Variants in GRPEL1 observed in about 807,000 individuals in gnomAD.
GRPEL1 encodes grpE protein homolog 1, mitochondrial.
In GRPEL1, 13 loss-of-function variants were observed where a neutral mutation model predicts 22.1. The observed-to-expected ratio is 0.59, with a 90% CI of 0.38 to 0.94. The LOEUF (loss-of-function observed/expected upper bound fraction) is 0.94, where lower values mean the gene tolerates loss of function less well. Ranked by LOEUF, GRPEL1 falls within the 40% of genes least tolerant of loss-of-function variation. The pLI, the probability that GRPEL1 is intolerant of heterozygous loss-of-function variation, is 0.00. For synonymous variants in GRPEL1, 109 were observed against 105.3 expected, an observed-to-expected ratio of 1.03 and a Z score of -0.21; for missense variants, 289 against 264.6, an observed-to-expected ratio of 1.09 and a Z score of -0.64.
At chr4:7,063,693 T>C (rs559504281) in intron 2 of GRPEL1, among the ~76,000 whole-genome samples, 1 of 152,366 alleles carries the variant, frequency 6.6e-6, no homozygotes, top group South Asian at 2.1e-4. Flanking sequence ...TACCTGCCTA[T>C]GAGAGCATCA....
intron 2 of GRPEL1, among the ~76,000 whole-genome samples, chr4:7,063,389 T>C (rs1724090887): frequency 6.6e-6 from 1 of 152,278 alleles, no homozygotes. Context: ...CCCAGCTAGC[T>C]TTTCTCTTTT....
At chr4:7,065,905 G>A (rs978285974) in intron 1 of GRPEL1, among the ~76,000 whole-genome samples, 2 of 149,700 alleles carry the variant, frequency 1.3e-5, no homozygotes, top group African/African-American at 4.9e-5. Context: ...CCAGGCTGGA[G>A]TGCAGTGGTG....
At chr4:7,062,321 G>T in intron 3 of GRPEL1, 64 bp downstream of exon 3, 1 of 819,478 alleles carries the variant, frequency 1.2e-6, no homozygotes, top group Non-Finnish European at 2.0e-6. Context: ...CGTATGCATG[G>T]CCTTCCCCTT....
intron 2 of GRPEL1, among the ~76,000 whole-genome samples, chr4:7,062,812 G>A (rs1049563807): frequency 1.3e-5 from 2 of 151,978 alleles, no homozygotes; most frequent in African/African-American, 2.4e-5. Flanking sequence ...ATGCCTGGCC[G>A]GGAGATTTAT....
rs1159797621 is a variant in GRPEL1, at chr4:7,060,003, G to C, written c.*859C>G. The C allele has an allele frequency of 6.6e-6, 1 of 152,216 alleles. No homozygotes were observed. The highest frequency in any genetic ancestry group is 1.9e-4 in the East Asian group (1 of 5,200). The allele number at this position is 152,216 out of a possible 1,614,324, so 9.4% of individuals were successfully genotyped here. ...AGAATGGGAAGGCTAAGCCATGCTT[G>C]CCTCAGCGGCAAGGATCTCCATGAG... On this transcript the variant is annotated 3_prime_UTR_variant, in exon 4 of 4. Transcript: ENST00000264954.
At chr4:7,064,827 C>T (rs919432787) in intron 1 of GRPEL1, among the ~76,000 whole-genome samples, 3 of 152,278 alleles carry the variant, frequency 2.0e-5, no homozygotes, top group Non-Finnish European at 2.9e-5. Flanking sequence ...GACAGGGTTT[C>T]GCTGTCACCC....
rs908298253 is a variant in GRPEL1 at position 7,062,366 on chromosome 4, C to G, written c.307+19G>C. ...ATTATCTTCTTTCCGGAATCAACAC[C>G]ATGTTATGTTGAAAGTACCGTATAA... On this transcript the variant is annotated intron_variant, in intron 3 of 3. Transcript: ENST00000264954. 1 of 1,366,792 alleles carries G rather than the reference C, an allele frequency of 7.3e-7. No homozygotes were observed. The highest frequency in any genetic ancestry group is 1.8e-4 in the Middle Eastern group (1 of 5,520). The allele number at this position is 1,366,792 out of a possible 1,614,324, so 84.7% of individuals were successfully genotyped here.
In GRPEL1 at chr4:7,067,962, G is replaced by A; in HGVS notation, c.62+9C>T. ...CCACCTCCACCCAGGGAGACCAAGT[G>A]CCCCTTACCTGAGAGACAACGCCAA... On this transcript the variant is annotated intron_variant, in intron 1 of 3. Coordinates refer to ENST00000264954, the MANE Select transcript of GRPEL1 (RefSeq NM_025196.4). The A allele has an allele frequency of 6.2e-7, 1 of 1,613,258 alleles. No individual in the cohort carries two copies. The highest frequency in any genetic ancestry group is 8.5e-7 in the Non-Finnish European group (1 of 1,179,818).
chr4:7,062,298 T>G, intron 3 of GRPEL1, 87 bp downstream of exon 3: 1 of 448,908 alleles, frequency 2.2e-6, no homozygotes, highest in Non-Finnish European at 4.3e-6. Context: ...ACAGCCTTGC[T>G]CTCTGACACT....
chr4:7,064,195 T>C lies in GRPEL1; in HGVS notation c.91A>G (p.Thr31Ala), dbSNP rs1233822160. The C allele has an allele frequency of 1.2e-6, 2 of 1,614,082 alleles. No individual in the cohort carries two copies. The highest frequency in any genetic ancestry group is 2.2e-5 in the South Asian group (2 of 91,066). Reference sequence around the variant, plus strand: ...TTCTGGCCACTGTTCTTTTGTTTCGTGGCTGTGCACAACAACCGGGGAGAT... The same window carrying C: ...TTCTGGCCACTGTTCTTTTGTTTCGCGGCTGTGCACAACAACCGGGGAGAT... ...RPSPRLLCTA[T>A]KQKNSGQNLE... Residue 31 changes from threonine (T) to alanine (A), a missense_variant, in exon 2 of 4, where the codon ACG becomes GCG. Thr to Ala is a moderately conservative substitution (Grantham distance 58). Transcript: ENST00000264954.
Position 7,062,512 on chromosome 4 carries a change from A to T in GRPEL1, c.226-46T>A, listed in dbSNP as rs536724132. ...TATTTATATATATATATATATATAT[A>T]TATCTTTTTTTTTGAGACGGAATCT... On this transcript the variant is annotated intron_variant, in intron 2 of 3. Coordinates refer to ENST00000264954, the MANE Select transcript of GRPEL1 (RefSeq NM_025196.4). 4.5e-4 allele frequency: 130 copies of T among 286,742 alleles called. 3 individuals are homozygous for T. The highest frequency in any genetic ancestry group is 3.1e-3 in the Middle Eastern group (4 of 1,270). 17.8% of individuals were successfully genotyped at this position (286,742 alleles called of 1,614,324 possible).
chr4:7,061,739 A>G (rs1289879472), intron 3 of GRPEL1: 1 of 155,526 alleles, frequency 6.4e-6, no homozygotes, highest in Admixed American at 6.3e-5. Context: ...TCCAGGAAAA[A>G]AAGTGTTTCA....
At position 7,060,850 on chromosome 4, in the gene GRPEL1, C is replaced by T. The variant is rs758413486; in HGVS notation, c.*12G>A. The T allele has an allele frequency of 3.1e-6, 5 of 1,597,826 alleles. No individual in the cohort carries two copies. Among genetic ancestry groups the T allele is most frequent in the South Asian group, 1.1e-5 (1 of 89,006 alleles). On this transcript the variant is annotated 3_prime_UTR_variant, in exon 4 of 4. Transcript: ENST00000264954. ...CAAGTGAGTTTAAAAACACCCACCC[C>T]ATCAACAGCAGCTAAGCTTCCTTCA...
chr4:7,067,873 G>A (rs2108794314), intron 1 of GRPEL1, 98 bp downstream of exon 1: 3 of 1,300,760 alleles, frequency 2.3e-6, no homozygotes, highest in Admixed American at 2.0e-5. Flanking sequence ...CAGCTCCGGG[G>A]CCGAGGCCGG....
chr4:7,067,713 AAACG>A (rs1724208306), intron 1 of GRPEL1, among the ~76,000 whole-genome samples: 2 of 152,234 alleles, frequency 1.3e-5, no homozygotes, highest in Admixed American at 1.3e-4. Flanking sequence ...CTTCCGAGCC[AAACG>A]CCCCCCGCGC....
In GRPEL1 at chr4:7,061,035, G is replaced by A. The variant is rs1339831868; in HGVS notation, c.481C>T (p.Leu161Phe). The A allele has an allele frequency of 6.2e-7, 1 of 1,614,202 alleles. No homozygotes were observed. Among genetic ancestry groups the A allele is most frequent in the Admixed American group, 1.7e-5 (1 of 60,030 alleles). The change falls in exon 4 of 4, where the codon CTC becomes TTC. Residue 161 changes from leucine to phenylalanine, a missense_variant. By Grantham distance (22) the Leu-to-Phe change is conservative. Transcript: ENST00000264954. ...IQKVFTKHGL[L>F]KLNPVGAKFD... ...TTGGCTCCGACAGGGTTCAACTTGA[G>A]CAAGCCATGCTTTGTGAACACCTTC...
chr4:7,062,214 T>C, intron 3 of GRPEL1, 171 bp downstream of exon 3: 1 of 395,338 alleles, frequency 2.5e-6, no homozygotes, highest in Non-Finnish European at 4.6e-6. Context: ...TGATTTCTGC[T>C]CCTCCAGACA....
Position 7,062,516 on chromosome 4 carries a change from C to CT in GRPEL1, c.226-51dup, listed in dbSNP as rs747478603. The CT allele has an allele frequency of 8.2e-3, 4,489 of 545,506 alleles. 228 individuals are homozygous for CT. The African/African-American group carries it at 0.1, about 13-fold the overall frequency. 33.8% of individuals were successfully genotyped at this position (545,506 alleles called of 1,614,324 possible). On this transcript the variant is annotated intron_variant, in intron 2 of 3. Coordinates refer to ENST00000264954, the MANE Select transcript of GRPEL1 (RefSeq NM_025196.4). Reference sequence around the variant, plus strand: ...TATATATATATATATATATATATATCTTTTTTTTTGAGACGGAATCTTGCT... The same window carrying CT: ...TATATATATATATATATATATATATCTTTTTTTTTTGAGACGGAATCTTGCT...
chr4:7,067,694 C>A, intron 1 of GRPEL1: 1 of 521,686 alleles, frequency 1.9e-6, no homozygotes, highest in Non-Finnish European at 3.4e-6. Flanking sequence ...CGCACGTGGG[C>A]CACCGTACCT....
Sources: gnomAD v4.1 joint callset for allele counts (sites outside exome capture counted in the v4.1 genomes callset) on GRCh38, gnomAD v4.1.1 for gene constraint, MANE v1.5 for transcripts, NCBI Gene and HGNC (gene_info 2026-07-23, HGNC 2026-07-21) for gene names.